Variants in DYNC1H1 observed in about 807,000 individuals in gnomAD.
The protein encoded by DYNC1H1 is dynein cytoplasmic 1 heavy chain 1.
In DYNC1H1, 51 loss-of-function variants were observed where a neutral mutation model predicts 527.1. The ratio of observed to expected loss-of-function variants is 0.10; its 90% CI spans 0.08 to 0.12. The LOEUF (loss-of-function observed/expected upper bound fraction) is 0.12, where lower values mean the gene tolerates loss of function less well. DYNC1H1 is among the 10% of genes least tolerant of loss of function. The probability of loss-of-function intolerance (pLI) is 1.00; values close to 1 mark genes in which losing one functional copy is unlikely to be tolerated. For synonymous variants in DYNC1H1, 2,189 were observed against 2,278.8 expected, an observed-to-expected ratio of 0.96 and a Z score of 1.12; for missense variants, 2,771 against 5,971.8, an observed-to-expected ratio of 0.46 and a Z score of 17.66.
rs150689596 is a variant in DYNC1H1 at position 102,044,161 on chromosome 14, G to A, written c.12685-113G>A. On this transcript the variant is annotated intron_variant, in intron 70 of 77. Coordinates refer to ENST00000360184, the MANE Select transcript of DYNC1H1 (RefSeq NM_001376.5). The surrounding 1 kb of genome is among the most constrained non-coding windows in gnomAD (Gnocchi z 7.1). ...AAGAGCGAGCTGACCCCTCGTGACC[G>A]CCAAAGCCTAGCTGGCCATGGGGAG... 3.5e-5 allele frequency: 55 copies of A among 1,580,428 alleles called. No individual in the cohort carries two copies. The highest frequency in any genetic ancestry group is 2.4e-4 in the African/African-American group (18 of 74,374).
chr14:102,037,962 G>C (rs1310411925), intron 57 of DYNC1H1: 1 of 281,208 alleles, frequency 3.6e-6, no homozygotes, highest in Non-Finnish European at 6.9e-6. Context: ...CACTAGCCTT[G>C]GGGGCTACTG....
chr14:102,035,479 G>A (rs1378271463), intron 56 of DYNC1H1: 1 of 152,164 alleles, frequency 6.6e-6, no homozygotes, highest in African/African-American at 2.4e-5. Flanking sequence ...CTGTGCGCAG[G>A]GCTGGATTTG....
In DYNC1H1 at chr14:101,979,653, G is replaced by A; in HGVS notation, c.519-66G>A. On this transcript the variant is annotated intron_variant, in intron 3 of 77. Coordinates refer to ENST00000360184, the MANE Select transcript of DYNC1H1 (RefSeq NM_001376.5). The surrounding 1 kb of genome is among the most constrained non-coding windows in gnomAD (Gnocchi z 4.6). ...TGTGTCATTACTATTTGACAGACCT[G>A]AAATGATGGGATCTCTTTGGAGACC... is the stretch of plus-strand genomic sequence containing the variant. 8 of 1,611,548 alleles carry A rather than the reference G, an allele frequency of 5.0e-6. No individual in the cohort carries two copies. In the South Asian group the frequency reaches 8.8e-5, roughly 18 times the overall value.
In DYNC1H1 at chr14:102,042,804, A is replaced by C; in HGVS notation, c.12513+56A>C. The C allele has an allele frequency of 1.3e-6, 2 of 1,593,504 alleles. No individual in the cohort carries two copies. The highest frequency in any genetic ancestry group is 8.6e-7 in the Non-Finnish European group (1 of 1,167,124). Reference sequence around the variant, plus strand: ...CCCATAGAAGCTAAAGCCCAGTCCCATCACCAAATGCAGAAGTGGGTCCCT... The same window carrying C: ...CCCATAGAAGCTAAAGCCCAGTCCCCTCACCAAATGCAGAAGTGGGTCCCT... On this transcript the variant is annotated intron_variant, in intron 69 of 77. Transcript: ENST00000360184. This position sits in a 1 kb window ranked among gnomAD's most constrained non-coding sequence, Gnocchi z 5.7.
Position 102,018,740 on chromosome 14 carries a change from C to A in DYNC1H1, c.8343+124C>A. 1 of 1,302,204 alleles carries A rather than the reference C, an allele frequency of 7.7e-7. No individual in the cohort carries two copies. The highest frequency in any genetic ancestry group is 1.1e-6 in the Non-Finnish European group (1 of 935,444). 80.7% of individuals were successfully genotyped at this position (1,302,204 alleles called of 1,614,324 possible). Reference sequence around the variant, plus strand: ...TTTTGGGAGGCCAAGGTGGGTGGATCCTTTGAGCCCAGGAGTTTGAGACCA... The same window carrying A: ...TTTTGGGAGGCCAAGGTGGGTGGATACTTTGAGCCCAGGAGTTTGAGACCA... On this transcript the variant is annotated intron_variant, in intron 41 of 77. Transcript: ENST00000360184. The surrounding 1 kb of genome is among the most constrained non-coding windows in gnomAD (Gnocchi z 5.2).
chr14:101,998,222 T>G (rs2048086434), intron 16 of DYNC1H1, among the ~76,000 whole-genome samples: 1 of 149,204 alleles, frequency 6.7e-6, no homozygotes, highest in Admixed American at 6.7e-5. Flanking sequence ...CTCCCCTCTA[T>G]AGGCGCTGAT....
chr14:101,997,618 G>A lies in DYNC1H1; in HGVS notation c.3804+344G>A, dbSNP rs183792794. On this transcript the variant is annotated intron_variant, in intron 16 of 77. Transcript: ENST00000360184. This position sits in a 1 kb window ranked among gnomAD's most constrained non-coding sequence, Gnocchi z 4.8. ...GCTGCTGCTAGTTAATTTAATTTTG[G>A]TTGGATGGTCTCTGTTTTTGCCAGT... is the stretch of plus-strand genomic sequence containing the variant. 1.1e-3 allele frequency among the ~76,000 whole-genome samples: 162 copies of A among 152,288 alleles called. 1 individual carries two copies. Among genetic ancestry groups the A allele is most frequent in the African/African-American group, 3.7e-3 (152 of 41,568 alleles).
Position 102,017,076 on chromosome 14 carries a change from T to C in DYNC1H1, c.7849-12T>C, listed in dbSNP as rs1466079375. On this transcript the variant is annotated splice_polypyrimidine_tract_variant and intron_variant, in intron 38 of 77. Coordinates refer to ENST00000360184, the MANE Select transcript of DYNC1H1 (RefSeq NM_001376.5). The surrounding 1 kb of genome is among the most constrained non-coding windows in gnomAD (Gnocchi z 4.6). ...TGGTCTTACAGTGTGGTTTTGTGTC[T>C]TCCCTCCAAAGGTGGTGGGTCTCAA... 9 of 1,614,260 alleles carry C rather than the reference T, an allele frequency of 5.6e-6. No homozygotes were observed. Among genetic ancestry groups the C allele is most frequent in the Non-Finnish European group, 7.6e-6 (9 of 1,180,050 alleles).
rs1369710180 is a variant in DYNC1H1 at position 102,026,696 on chromosome 14, G to A, written c.8760G>A (p.Leu2920=). The change falls in exon 44 of 78, where the codon CTG becomes CTA. Residue 2920 remains leucine (L), a synonymous_variant. Transcript: ENST00000360184. ...TTAATGAAGTCCTAGACCACGTGCT[G>A]AGGATTGACAGGTGGGCTTTTTTGT... is the stretch of plus-strand genomic sequence containing the variant. ...VLFNEVLDHV[L]RIDRIFRQPQ... is the part of the protein sequence containing the mutation. The A allele has an allele frequency of 2.5e-6, 4 of 1,613,978 alleles. No individual in the cohort carries two copies. The highest frequency in any genetic ancestry group is 2.5e-6 in the Non-Finnish European group (3 of 1,180,018).
chr14:101,980,680 C>T, intron 5 of DYNC1H1, 130 bp downstream of exon 5: 1 of 1,062,660 alleles, frequency 9.4e-7, no homozygotes, highest in South Asian at 1.5e-5. Context: ...TCCTTTCTTA[C>T]ATCACATCTT....
At chr14:102,028,746 T>A (rs763617835) in intron 48 of DYNC1H1, 3 of 165,732 alleles carry the variant, frequency 1.8e-5, no homozygotes, top group Non-Finnish European at 2.7e-5. Flanking sequence ...GCCCTTACTC[T>A]TTCCTCTAGA....
rs200449441 is a variant in DYNC1H1 at position 102,041,577 on chromosome 14, C to G, written c.11945C>G (p.Pro3982Arg). 2.5e-6 allele frequency: 4 copies of G among 1,613,982 alleles called. No individual in the cohort carries two copies. In the East Asian group the frequency reaches 6.7e-5, roughly 27 times the overall value. Residue 3982 changes from proline to arginine, a missense_variant, in exon 65 of 78, where the codon CCC becomes CGC. Around this residue, in one of 32 missense-constraint regions of DYNC1H1, gnomAD observed 120 missense variants for 161.9 expected, o/e 0.74. Coordinates refer to ENST00000360184, the MANE Select transcript of DYNC1H1 (RefSeq NM_001376.5). The surrounding 1 kb of genome is among the most constrained non-coding windows in gnomAD (Gnocchi z 4.5). ...CACCCCTCTGTACCTGTTTCAGCACCCATTGGCCAGGCCATCCACCGCCTG... is the reference window on the plus strand; with the variant it reads ...CACCCCTCTGTACCTGTTTCAGCACGCATTGGCCAGGCCATCCACCGCCTG... ...YLWSEETPATPIGQAIHRLLL... is the reference protein window; with the variant it reads ...YLWSEETPATRIGQAIHRLLL...
At chr14:102,008,117 GA>G in intron 28 of DYNC1H1, 60 bp from the exon 29 acceptor site, 1 of 1,607,776 alleles carries the variant, frequency 6.2e-7, no homozygotes, top group South Asian at 1.1e-5. Flanking sequence ...TGGCAAGGGA[GA>G]GGGGAGACAA....
chr14:102,006,986 T>C, intron 27 of DYNC1H1, 22 bp from the exon 28 acceptor site: 1 of 1,610,176 alleles, frequency 6.2e-7, no homozygotes, highest in Non-Finnish European at 8.5e-7. Context: ...ACTCAAGCAC[T>C]CTGTTGCTTT....
rs1234097143 is a variant in DYNC1H1, at chr14:102,002,828, G to A, written c.4746G>A (p.Val1582=). The A allele has an allele frequency of 1.2e-6, 2 of 1,614,116 alleles. No homozygotes were observed. The highest frequency in any genetic ancestry group is 1.3e-5 in the African/African-American group (1 of 74,936). ...AGTTTTTGGCTCTAATGAAAAAAGT[G>A]TCCAAGTCTCCCCTTGTTATGGATG... ...STEFLALMKK[V]SKSPLVMDVL... Residue 1582 remains valine, a synonymous_variant, in exon 23 of 78, where the codon GTG becomes GTA. Transcript: ENST00000360184. This position sits in a 1 kb window ranked among gnomAD's most constrained non-coding sequence, Gnocchi z 4.4.
In DYNC1H1 at chr14:101,965,005, G is replaced by T; in HGVS notation, c.256+58G>T. On this transcript the variant is annotated intron_variant, in intron 1 of 77. Coordinates refer to ENST00000360184, the MANE Select transcript of DYNC1H1 (RefSeq NM_001376.5). This position sits in a 1 kb window ranked among gnomAD's most constrained non-coding sequence, Gnocchi z 4.1. ...CCAGGCCTCGCGGAATGCAGGGCCT[G>T]CCAGGTCCTCCGGGGTCGCAGATGT... 1 of 1,531,838 alleles carries T rather than the reference G, an allele frequency of 6.5e-7. No individual in the cohort carries two copies. The highest frequency in any genetic ancestry group is 8.8e-7 in the Non-Finnish European group (1 of 1,135,984). 94.9% of individuals were successfully genotyped at this position (1,531,838 alleles called of 1,614,324 possible).
At position 102,042,786 on chromosome 14, in the gene DYNC1H1, A is replaced by G; in HGVS notation, c.12513+38A>G. ...TCCTCCTGGTATGCTTTCCCCATAG[A>G]AGCTAAAGCCCAGTCCCATCACCAA... is the stretch of plus-strand genomic sequence containing the variant. On this transcript the variant is annotated intron_variant, in intron 69 of 77. Coordinates refer to ENST00000360184, the MANE Select transcript of DYNC1H1 (RefSeq NM_001376.5). This position sits in a 1 kb window ranked among gnomAD's most constrained non-coding sequence, Gnocchi z 5.7. 6.2e-7 allele frequency: 1 copy of G among 1,608,770 alleles called. No individual in the cohort carries two copies. Among genetic ancestry groups the G allele is most frequent in the Non-Finnish European group, 8.5e-7 (1 of 1,177,100 alleles).
Position 102,050,977 on chromosome 14 carries a change from C to G in DYNC1H1, c.*414C>G, listed in dbSNP as rs1185244987. On this transcript the variant is annotated 3_prime_UTR_variant, in exon 78 of 78. Coordinates refer to ENST00000360184, the MANE Select transcript of DYNC1H1 (RefSeq NM_001376.5). Reference sequence around the variant, plus strand: ...TTGGGGCCCTTCACAGACACAGATGCAGCCAGCTGTGGCTCTGAAGGCCCT... The same window carrying G: ...TTGGGGCCCTTCACAGACACAGATGGAGCCAGCTGTGGCTCTGAAGGCCCT... 3.4e-6 allele frequency: 1 copy of G among 293,272 alleles called. No homozygotes were observed. The highest frequency in any genetic ancestry group is 9.1e-5 in the East Asian group (1 of 10,986). 18.2% of individuals were successfully genotyped at this position (293,272 alleles called of 1,614,324 possible). A position where few individuals can be genotyped will look rare whatever the true frequency, so the allele number is the denominator to read the frequency against.
intron 11 of DYNC1H1, among the ~76,000 whole-genome samples, 182 bp downstream of exon 11, chr14:101,991,855 G>T (rs1310457736): frequency 6.6e-6 from 1 of 152,126 alleles, no homozygotes; most frequent in Admixed American, 6.5e-5. Flanking sequence ...TAGTTACTTG[G>T]CATTTGTAGC....
Sources: gnomAD v4.1 joint callset for allele counts (sites outside exome capture counted in the v4.1 genomes callset) on GRCh38, gnomAD v4.1.1 for gene constraint, gnomAD v4.1.1 regional missense constraint, Gnocchi (gnomAD v3.1) non-coding constraint, MANE v1.5 for transcripts, NCBI Gene and HGNC (gene_info 2026-07-23, HGNC 2026-07-21) for gene names.